PAX2: variants seen among roughly 807,000 people sequenced by gnomAD.
PAX2 encodes the protein paired box 2.
Under a neutral mutation model 41.7 loss-of-function variants are expected in PAX2, and 9 were observed. That is an observed-to-expected ratio of 0.22 (90% CI 0.13 to 0.38). The LOEUF is 0.38. Ranked by LOEUF, PAX2 falls within the 10% of genes least tolerant of loss-of-function variation. The probability of loss-of-function intolerance (pLI) is 1.00; values close to 1 mark genes in which losing one functional copy is unlikely to be tolerated. For missense variants in PAX2, 418 were observed against 531.6 expected (o/e 0.79, Z 2.10); for synonymous variants, 221 against 212.7 (o/e 1.04, Z -0.34).
At chr10:100,757,564 A>C (rs973905496) in intron 3 of PAX2, among the ~76,000 whole-genome samples, 1 of 152,226 alleles carries the variant, frequency 6.6e-6, no homozygotes, top group Non-Finnish European at 1.5e-5. Context: ...GACCAATTGC[A>C]TAAGCAGCCA....
chr10:100,742,852 T>TTTTTTTG (rs1845017383), upstream of PAX2, among the ~76,000 whole-genome samples: 3 of 42,208 alleles, frequency 7.1e-5, no homozygotes, highest in African/African-American at 2.5e-4. Flanking sequence ...CCTTTTTTTT[T>TTTTTTTG]TTTTTTTTTT....
chr10:100,750,916 G>C lies in PAX2; in HGVS notation c.410+25G>C, dbSNP rs189480545. 20 of 1,585,956 alleles carry C rather than the reference G, an allele frequency of 1.3e-5. No homozygotes were observed. Among genetic ancestry groups the C allele is most frequent in the Non-Finnish European group, 1.7e-5 (20 of 1,155,044 alleles). ...GGTGAGCAAGCCACCCGGGTTTTCAGGGCTGGACTCCAGCTCCTGGCTCCT... is the reference window on the plus strand; with the variant it reads ...GGTGAGCAAGCCACCCGGGTTTTCACGGCTGGACTCCAGCTCCTGGCTCCT... On this transcript the variant is annotated intron_variant, in intron 3 of 9. Transcript: ENST00000355243. This position sits in a 1 kb window ranked among gnomAD's most constrained non-coding sequence, Gnocchi z 4.1.
At chr10:100,768,109 A>T (rs1846086536) in intron 3 of PAX2, among the ~76,000 whole-genome samples, 1 of 152,146 alleles carries the variant, frequency 6.6e-6, no homozygotes. Context: ...GTGATGTGAA[A>T]ATCTCAAACA....
intron 1 of PAX2, chr10:100,735,812 C>T (rs1844764699): frequency 1.1e-6 from 1 of 903,974 alleles, no homozygotes; most frequent in Non-Finnish European, 1.3e-6. Flanking sequence ...CCGGGGCGGG[C>T]TCCTCTCCTC....
intron 7 of PAX2, among the ~76,000 whole-genome samples, chr10:100,812,439 C>T (rs531178725): frequency 6.6e-6 from 1 of 152,308 alleles, no homozygotes; most frequent in South Asian, 2.1e-4. Flanking sequence ...GGGTCACGGG[C>T]ATTCTGGCCC....
At chr10:100,820,939 T>C (rs1440159249) in intron 7 of PAX2, among the ~76,000 whole-genome samples, 1 of 152,204 alleles carries the variant, frequency 6.6e-6, no homozygotes, top group Non-Finnish European at 1.5e-5. Flanking sequence ...TGTTTTCTCC[T>C]TTTTCTGTGC....
At chr10:100,821,993 T>C (rs1589902418) in intron 7 of PAX2, among the ~76,000 whole-genome samples, 1 of 152,316 alleles carries the variant, frequency 6.6e-6, no homozygotes, top group South Asian at 2.1e-4. Flanking sequence ...AGGAATTGAT[T>C]TTGATATTGC....
chr10:100,825,009 C>T (rs780278321), intron 8 of PAX2: 19 of 1,581,408 alleles, frequency 1.2e-5, no homozygotes, highest in East Asian at 2.2e-5. Flanking sequence ...CTCCACAGCG[C>T]CCACCCACCC....
chr10:100,749,187 AAAG>A (rs1845334251), intron 1 of PAX2: 1 of 986,796 alleles, frequency 1.0e-6, no homozygotes, highest in Non-Finnish European at 1.2e-6. Context: ...AATACTTTTT[AAAG>A]AAGAGGCAGA....
intron 4 of PAX2, 130 bp from the exon 5 acceptor site, chr10:100,781,116 G>A: frequency 1.1e-6 from 1 of 869,742 alleles, no homozygotes; most frequent in Non-Finnish European, 2.0e-6. Context: ...AGAGGAATGA[G>A]AGGAACGTGG....
chr10:100,747,892 A>T (rs1022007916), intron 1 of PAX2: 157 of 983,742 alleles, frequency 1.6e-4, no homozygotes, highest in Non-Finnish European at 1.8e-4. Flanking sequence ...TTTTTTGCGG[A>T]TTCCGCCGGG....
At chr10:100,800,215 G>C (rs778302569) in intron 5 of PAX2, among the ~76,000 whole-genome samples, 1 of 151,168 alleles carries the variant, frequency 6.6e-6, no homozygotes, top group Non-Finnish European at 1.5e-5. Context: ...GGTGCTTTCT[G>C]CCCAAGCAAA....
intron 5 of PAX2, among the ~76,000 whole-genome samples, chr10:100,802,801 C>T (rs1177043006): frequency 6.6e-6 from 1 of 152,172 alleles, no homozygotes; most frequent in African/African-American, 2.4e-5. Flanking sequence ...TCTAATCACT[C>T]ACGCGCTCTC....
Position 100,748,512 on chromosome 10 carries a change from G to A in PAX2, c.44-1234G>A. ...CTCGCGTGAGGCTAGCGGGGCAGGGGCTGCAGCTTGCCAGTCCGGGCCGAC... is the reference window on the plus strand; with the variant it reads ...CTCGCGTGAGGCTAGCGGGGCAGGGACTGCAGCTTGCCAGTCCGGGCCGAC... On this transcript the variant is annotated intron_variant, in intron 1 of 9. Coordinates refer to ENST00000355243, the MANE Select transcript of PAX2 (RefSeq NM_000278.5). The surrounding 1 kb of genome is among the most constrained non-coding windows in gnomAD (Gnocchi z 5.0). The A allele has an allele frequency of 4.1e-6, 4 of 985,300 alleles. No individual in the cohort carries two copies. The highest frequency in any genetic ancestry group is 4.8e-6 in the Non-Finnish European group (4 of 829,880). 61.0% of individuals were successfully genotyped at this position (985,300 alleles called of 1,614,324 possible).
rs1847104532 is a variant in PAX2 at position 100,791,228 on chromosome 10, T to A, written c.616+9863T>A. 6.6e-6 allele frequency among the ~76,000 whole-genome samples: 1 copy of A among 152,184 alleles called. No homozygotes were observed. The highest frequency in any genetic ancestry group is 1.5e-5 in the Non-Finnish European group (1 of 68,036). On this transcript the variant is annotated intron_variant, in intron 5 of 9. Coordinates refer to ENST00000355243, the MANE Select transcript of PAX2 (RefSeq NM_000278.5). The surrounding 1 kb of genome is among the most constrained non-coding windows in gnomAD (Gnocchi z 4.5). Reference sequence around the variant, plus strand: ...TACTGGAGACAAGTGTGTGGGCATCTCCTGGGGGCCTTTCCAGGACTGGGG... The same window carrying A: ...TACTGGAGACAAGTGTGTGGGCATCACCTGGGGGCCTTTCCAGGACTGGGG...
chr10:100,828,640 C>G lies in PAX2; in HGVS notation c.*1021C>G, dbSNP rs1209319344. 8.6e-6 allele frequency: 2 copies of G among 233,384 alleles called. No individual in the cohort carries two copies. Among genetic ancestry groups the G allele is most frequent in the African/African-American group, 4.4e-5 (2 of 45,312 alleles). 14.5% of individuals were successfully genotyped at this position (233,384 alleles called of 1,614,324 possible). On this transcript the variant is annotated 3_prime_UTR_variant, in exon 10 of 10. Coordinates refer to ENST00000355243, the MANE Select transcript of PAX2 (RefSeq NM_000278.5). This position sits in a 1 kb window ranked among gnomAD's most constrained non-coding sequence, Gnocchi z 6.5. ...TTACTTGATGCCCCCTCCCCCGACA[C>G]AGACTCTCAATCTGCCGGTGGTAAG...
chr10:100,756,068 G>A (rs543144464), intron 3 of PAX2, among the ~76,000 whole-genome samples: 3 of 152,304 alleles, frequency 2.0e-5, no homozygotes, highest in African/African-American at 7.2e-5. Flanking sequence ...TGGTGCACAT[G>A]GGAGAGTGTG....
intron 7 of PAX2, among the ~76,000 whole-genome samples, chr10:100,810,516 C>A (rs1589887449): frequency 1.3e-5 from 2 of 152,212 alleles, no homozygotes; most frequent in African/African-American, 2.4e-5. Context: ...CAGCCCATGA[C>A]CAAATGGCCC....
Position 100,805,023 on chromosome 10 carries a change from TACACA to T in PAX2, c.617-1406_617-1402del, listed in dbSNP as rs1847720805. ...CTTCTCTCTCTCTCTCTCTCTCACA[TACACA>T]CACACACACACACACACACACACAC... On this transcript the variant is annotated intron_variant, in intron 5 of 9. Transcript: ENST00000355243. 3.2e-3 allele frequency among the ~76,000 whole-genome samples: 308 copies of T among 95,022 alleles called. 1 individual carries two copies. The highest frequency in any genetic ancestry group is 0.012 in the African/African-American group (279 of 22,360). The allele number at this position is 95,022 out of a possible 152,430, so 62.3% of individuals were successfully genotyped here.
Sources: gnomAD v4.1 joint callset for allele counts (sites outside exome capture counted in the v4.1 genomes callset) on GRCh38, gnomAD v4.1.1 for gene constraint, Gnocchi (gnomAD v3.1) non-coding constraint, MANE v1.5 for transcripts, NCBI Gene and HGNC (gene_info 2026-07-23, HGNC 2026-07-21) for gene names.